Variants in EPHA2 observed in about 807,000 individuals in gnomAD.
EPHA2 encodes ephrin type-A receptor 2.
A neutral mutation model predicts 104.9 loss-of-function variants in EPHA2; 54 were observed. The ratio of observed to expected loss-of-function variants is 0.51; its 90% CI spans 0.41 to 0.65. The LOEUF is 0.65. Among genes scored for constraint, EPHA2 ranks in the 30% least tolerant of loss-of-function variants. EPHA2 has a pLI of 0.00. For missense variants in EPHA2, 1,117 were observed against 1,369.5 expected, an observed-to-expected ratio of 0.82 and a Z score of 2.91; for synonymous variants, 560 against 559.1, an observed-to-expected ratio of 1.00 and a Z score of -0.02.
rs2124214432 is a variant in EPHA2, at chr1:16,135,236, G to C, written c.1429-47C>G. On this transcript the variant is annotated intron_variant, in intron 6 of 16. Coordinates refer to ENST00000358432, the MANE Select transcript of EPHA2 (RefSeq NM_004431.5). This position sits in a 1 kb window ranked among gnomAD's most constrained non-coding sequence, Gnocchi z 4.3. ...AGGAGCAGGCAGTGAGGGCAGGGCAGGGGCCTCGGCTCAGCCCGCTGGAGA... is the reference window on the plus strand; with the variant it reads ...AGGAGCAGGCAGTGAGGGCAGGGCACGGGCCTCGGCTCAGCCCGCTGGAGA... 10 of 1,611,146 alleles carry C rather than the reference G, an allele frequency of 6.2e-6. No homozygotes were observed. Among genetic ancestry groups the C allele is most frequent in the Non-Finnish European group, 8.5e-6 (10 of 1,179,390 alleles).
chr1:16,156,058 C>G lies in EPHA2; in HGVS notation c.-126G>C. 1.4e-6 allele frequency: 1 copy of G among 729,090 alleles called. No homozygotes were observed. The highest frequency in any genetic ancestry group is 2.0e-6 in the Non-Finnish European group (1 of 497,962). 45.2% of individuals were successfully genotyped at this position (729,090 alleles called of 1,614,324 possible). A position where few individuals can be genotyped will look rare whatever the true frequency, so the allele number is the denominator to read the frequency against. On this transcript the variant is annotated 5_prime_UTR_variant, in exon 1 of 17. Coordinates refer to ENST00000358432, the MANE Select transcript of EPHA2 (RefSeq NM_004431.5). ...CGCGCAACTTCTGCCCCTCCTGCCC[C>G]GAGTCCTTAATGGAAGTTGGGTGAG... is the stretch of plus-strand genomic sequence containing the variant.
chr1:16,149,681 C>T (rs995115189), intron 2 of EPHA2, among the ~76,000 whole-genome samples: 6 of 152,188 alleles, frequency 3.9e-5, no homozygotes, highest in African/African-American at 1.4e-4. Context: ...CCAGGTGCCC[C>T]CCGCCACCCA....
intron 11 of EPHA2, 129 bp from the exon 12 acceptor site, chr1:16,132,568 G>A: frequency 1.0e-6 from 1 of 986,318 alleles, no homozygotes; most frequent in South Asian, 1.3e-5. Context: ...GGTGGAACAG[G>A]TGTGGGGAGG....
chr1:16,153,019 G>T, intron 1 of EPHA2: 1 of 621,234 alleles, frequency 1.6e-6, no homozygotes, highest in Non-Finnish European at 2.0e-6. Context: ...CTCTGGAAAG[G>T]GTGGGAGCCT....
Position 16,150,657 on chromosome 1 carries a change from A to AT in EPHA2, c.153+238_153+239insA, listed in dbSNP as rs2025016354. Among the ~76,000 whole-genome samples the AT allele has an allele frequency of 6.6e-6, 1 of 152,084 alleles. No homozygotes were observed. The highest frequency in any genetic ancestry group is 2.1e-4 in the South Asian group (1 of 4,828). On this transcript the variant is annotated intron_variant, in intron 2 of 16. Coordinates refer to ENST00000358432, the MANE Select transcript of EPHA2 (RefSeq NM_004431.5). The surrounding 1 kb of genome is among the most constrained non-coding windows in gnomAD (Gnocchi z 4.8). ...CCGCTAGGGCCTTCTCTGTCTCCCC[A>AT]GTTCCCCCCACCTCTCAGGCTTACA... is the stretch of plus-strand genomic sequence containing the variant.
At position 16,125,330 on chromosome 1, in the gene EPHA2, G is replaced by A. The variant is rs750550447; in HGVS notation, c.2826-10C>T. On this transcript the variant is annotated splice_polypyrimidine_tract_variant and intron_variant, in intron 16 of 16. Transcript: ENST00000358432. The surrounding 1 kb of genome is among the most constrained non-coding windows in gnomAD (Gnocchi z 4.9). ...AATCCTCTTGATGTCGCTGTGGGCC[G>A]GGAGGGAGAGAGGGAGAGTTAGGGG... 1.6e-5 allele frequency: 25 copies of A among 1,609,360 alleles called. No homozygotes were observed. Among genetic ancestry groups the A allele is most frequent in the Admixed American group, 5.0e-5 (3 of 59,818 alleles).
chr1:16,134,845 T>C lies in EPHA2; in HGVS notation c.1582+191A>G, dbSNP rs1306021082. 6.6e-6 allele frequency among the ~76,000 whole-genome samples: 1 copy of C among 152,158 alleles called. No homozygotes were observed. Among genetic ancestry groups the C allele is most frequent in the African/African-American group, 2.4e-5 (1 of 41,424 alleles). ...CACTGTCGTGAATCCACATCCCGGC[T>C]CCTCCACCCCTCAGCCTTCCATGCT... is the stretch of plus-strand genomic sequence containing the variant. On this transcript the variant is annotated intron_variant, in intron 7 of 16. Coordinates refer to ENST00000358432, the MANE Select transcript of EPHA2 (RefSeq NM_004431.5). This position sits in a 1 kb window ranked among gnomAD's most constrained non-coding sequence, Gnocchi z 4.5.
rs2124205504 is a variant in EPHA2 at position 16,133,256 on chromosome 1, G to A, written c.1977C>T (p.Asp659=). The change falls in exon 11 of 17, where the codon GAC becomes GAT. Residue 659 remains aspartate, a synonymous_variant. Coordinates refer to ENST00000358432, the MANE Select transcript of EPHA2 (RefSeq NM_004431.5). ...KAGYTEKQRV[D]FLGEAGIMGQ... is the part of the protein sequence containing the mutation. ...CCATGATGCCGGCCTCGCCGAGGAA[G>A]TCCACTCGCTGCTTCTCTGTGTAGC... The A allele has an allele frequency of 6.2e-7, 1 of 1,613,884 alleles. No homozygotes were observed. Among genetic ancestry groups the A allele is most frequent in the Non-Finnish European group, 8.5e-7 (1 of 1,179,912 alleles).
chr1:16,146,618 C>T (rs1317703362), intron 3 of EPHA2, among the ~76,000 whole-genome samples: 1 of 152,238 alleles, frequency 6.6e-6, no homozygotes, highest in Non-Finnish European at 1.5e-5. Flanking sequence ...GGGGCTCGCT[C>T]AGCAGAGGGG....
Position 16,131,640 on chromosome 1 carries a change from C to T in EPHA2, c.2475+81G>A. 1 of 1,586,790 alleles carries T rather than the reference C, an allele frequency of 6.3e-7. No homozygotes were observed. The highest frequency in any genetic ancestry group is 1.1e-5 in the South Asian group (1 of 90,324). On this transcript the variant is annotated intron_variant, in intron 14 of 16. Coordinates refer to ENST00000358432, the MANE Select transcript of EPHA2 (RefSeq NM_004431.5). The surrounding 1 kb of genome is among the most constrained non-coding windows in gnomAD (Gnocchi z 5.2). ...TAAGAAGGTTCATCTAAACTGTCCTCTGCCCAGCCCCTGCAGTTTGAGATG... is the reference window on the plus strand; with the variant it reads ...TAAGAAGGTTCATCTAAACTGTCCTTTGCCCAGCCCCTGCAGTTTGAGATG...
Position 16,129,415 on chromosome 1 carries a change from G to C in EPHA2, c.2825+19C>G. On this transcript the variant is annotated intron_variant, in intron 16 of 16. Transcript: ENST00000358432. ...TGGGAGGCGGGAGGCGAGGGGGGAC[G>C]GAAAGGGGCCTGACTTACTCGTTGG... 6.2e-7 allele frequency: 1 copy of C among 1,610,916 alleles called. No individual in the cohort carries two copies. The highest frequency in any genetic ancestry group is 8.5e-7 in the Non-Finnish European group (1 of 1,179,924).
rs2024581511 is a variant in EPHA2, at chr1:16,132,126, C to T, written c.2263G>A (p.Val755Met). ...ACGCGGGACAGGCCAAAGTCAGACA[C>T]CTTGCAGACCAGGTTGCTGTTGACG... ...ILVNSNLVCK[V>M]SDFGLSRVLE... Residue 755 changes from valine to methionine, a missense_variant, in exon 13 of 17, where the codon GTG (valine) becomes ATG (methionine). Physicochemically the swap from Val to Met is conservative, Grantham distance 21. Transcript: ENST00000358432. 3 of 1,614,228 alleles carry T rather than the reference C, an allele frequency of 1.9e-6. No individual in the cohort carries two copies. The highest frequency in any genetic ancestry group is 1.3e-5 in the African/African-American group (1 of 75,054).
chr1:16,129,329 AGAGAGGAGCATTGAGGGG>A, intron 16 of EPHA2, 87 bp downstream of exon 16: 1 of 1,358,744 alleles, frequency 7.4e-7, no homozygotes, highest in Non-Finnish European at 1.0e-6. Context: ...GAAAGAACAA[AGAGAGGAGCATTGAGGGG>A]CAGGGAAGAG....
chr1:16,156,002 G>A lies in EPHA2; in HGVS notation c.-70C>T. On this transcript the variant is annotated 5_prime_UTR_variant, in exon 1 of 17. Transcript: ENST00000358432. ...CGCACACCCGCACGCCTGCACGCCG[G>A]CCTCGGTGTCCGCTCCCGCCCGCCG... 2 of 1,325,442 alleles carry A rather than the reference G, an allele frequency of 1.5e-6. No homozygotes were observed. Among genetic ancestry groups the A allele is most frequent in the Non-Finnish European group, 2.0e-6 (2 of 1,016,362 alleles). 82.1% of individuals were successfully genotyped at this position (1,325,442 alleles called of 1,614,324 possible). A position where few individuals can be genotyped will look rare whatever the true frequency, so the allele number is the denominator to read the frequency against.
rs529379361 is a variant in EPHA2 at position 16,128,896 on chromosome 1, C to T, written c.2825+538G>A. Among the ~76,000 whole-genome samples the T allele has an allele frequency of 2.0e-5, 3 of 152,166 alleles. No individual in the cohort carries two copies. The highest frequency in any genetic ancestry group is 4.1e-4 in the South Asian group (2 of 4,824). ...AGCAGTCAGGGCATCTTGGAGAAGA[C>T]TGCCCCAAACTGGCTGTGTGACCTC... On this transcript the variant is annotated intron_variant, in intron 16 of 16. Transcript: ENST00000358432. The surrounding 1 kb of genome is among the most constrained non-coding windows in gnomAD (Gnocchi z 4.7).
At chr1:16,137,681 C>T (rs949988370) in intron 5 of EPHA2, among the ~76,000 whole-genome samples, 172 bp downstream of exon 5, 13 of 152,238 alleles carry the variant, frequency 8.5e-5, no homozygotes, top group Non-Finnish European at 1.3e-4. Context: ...CATTCAATGT[C>T]GGCTGGGGCC....
In EPHA2 at chr1:16,138,150, C is replaced by A. The variant is rs1306271294; in HGVS notation, c.1015G>T (p.Gly339Cys). Residue 339 changes from glycine (G) to cysteine (C), a missense_variant, in exon 5 of 17, where the codon GGC becomes TGC. Around this residue, in one of 3 missense-constraint regions of EPHA2, gnomAD observed 664 missense variants for 784.8 expected, o/e 0.85. Transcript: ENST00000358432. ...CGCAGCTCCACCTTGGCACCCATGC[C>A]CACGGCTGTGAGGTAGTGTGGGGCG... is the stretch of plus-strand genomic sequence containing the variant. Reference protein sequence around the residue: ...PSAPHYLTAVGMGAKVELRWT... With the variant: ...PSAPHYLTAVCMGAKVELRWT... 1.1e-5 allele frequency: 17 copies of A among 1,609,066 alleles called. No individual in the cohort carries two copies. The East Asian group carries it at 3.8e-4, about 36-fold the overall frequency.
At chr1:16,140,893 G>A (rs775825824) in intron 3 of EPHA2, among the ~76,000 whole-genome samples, 12 of 151,576 alleles carry the variant, frequency 7.9e-5, no homozygotes, top group South Asian at 2.1e-4. Context: ...GAGCCACCGC[G>A]TCCGGCCTAT....
intron 5 of EPHA2, among the ~76,000 whole-genome samples, chr1:16,136,340 C>T (rs1029638204): frequency 8.3e-6 from 1 of 121,128 alleles, no homozygotes; most frequent in African/African-American, 3.3e-5. Flanking sequence ...TAATAAAAGG[C>T]CAGGTGTGGT....
Sources: gnomAD v4.1 joint callset for allele counts (sites outside exome capture counted in the v4.1 genomes callset) on GRCh38, gnomAD v4.1.1 for gene constraint, gnomAD v4.1.1 regional missense constraint, Gnocchi (gnomAD v3.1) non-coding constraint, MANE v1.5 for transcripts, NCBI Gene and HGNC (gene_info 2026-07-23, HGNC 2026-07-21) for gene names.